KIF21A: variants seen among roughly 807,000 people sequenced by gnomAD.
KIF21A encodes the protein kinesin-like protein KIF21A.
A neutral mutation model predicts 202.9 loss-of-function variants in KIF21A; 114 were observed. The observed-to-expected ratio is 0.56, with a 90% CI of 0.48 to 0.66. The LOEUF is 0.66. Among genes scored for constraint, KIF21A ranks in the 30% least tolerant of loss-of-function variants. KIF21A has a pLI of 0.00. For synonymous variants in KIF21A, 667 were observed against 670.8 expected (o/e 0.99, Z 0.09); for missense variants, 1,677 against 1,994.9 (o/e 0.84, Z 3.04).
intron 1 of KIF21A, among the ~76,000 whole-genome samples, chr12:39,376,425 A>G (rs570955833): frequency 6.6e-6 from 1 of 152,226 alleles, no homozygotes; most frequent in East Asian, 1.9e-4. Flanking sequence ...TAGACATGTA[A>G]CCAGTAAGGA....
chr12:39,415,199 G>A (rs369642742), intron 1 of KIF21A, among the ~76,000 whole-genome samples: 85 of 147,944 alleles, frequency 5.7e-4, no homozygotes, highest in African/African-American at 2.1e-3. Context: ...AAATCAGGAC[G>A]GAAATTTTTT....
chr12:39,367,080 T>C lies in KIF21A; in HGVS notation c.685A>G (p.Ile229Val), dbSNP rs779602428. The part of the protein sequence containing the change: ...MNVQSSRSHA[I>V]FTIHVCQTRV... ...GTTTGACACACATGAATGGTAAAAA[T>C]GGCATGTGAACGAGAGCTCTGAACA... Residue 229 changes from isoleucine to valine, a missense_variant, in exon 5 of 38, where the codon ATT becomes GTT. Physicochemically the swap from Ile to Val is conservative, Grantham distance 29. Around this residue, in one of 3 missense-constraint regions of KIF21A, gnomAD observed 966 missense variants for 1,180.9 expected, o/e 0.82. Coordinates refer to ENST00000361418, the MANE Select transcript of KIF21A (RefSeq NM_001173464.2). The C allele has an allele frequency of 6.2e-6, 10 of 1,613,528 alleles. No individual in the cohort carries two copies. The highest frequency in any genetic ancestry group is 1.6e-4 in the Middle Eastern group (1 of 6,084).
At chr12:39,376,814 C>T (rs938358189) in intron 1 of KIF21A, among the ~76,000 whole-genome samples, 42 of 152,078 alleles carry the variant, frequency 2.8e-4, no homozygotes, top group African/African-American at 1.0e-3. Flanking sequence ...CCTCTGTTCC[C>T]CATTTTATTA....
At chr12:39,376,474 A>G (rs902868791) in intron 1 of KIF21A, among the ~76,000 whole-genome samples, 5 of 152,160 alleles carry the variant, frequency 3.3e-5, no homozygotes, top group Admixed American at 2.0e-4. Context: ...GGTCCTGAGT[A>G]AAAAGTCTGT....
In KIF21A at chr12:39,366,389, G is replaced by T; in HGVS notation, c.864C>A (p.Gly288=). 1 of 1,613,828 alleles carries T rather than the reference G, an allele frequency of 6.2e-7. No homozygotes were observed. Among genetic ancestry groups the T allele is most frequent in the Non-Finnish European group, 8.5e-7 (1 of 1,179,910 alleles). The change falls in exon 6 of 38, where the codon GGC becomes GGA. Residue 288 remains glycine (G), a synonymous_variant. Transcript: ENST00000361418. ...SERLKRTGAT[G]ERAKEGISIN... is the part of the protein sequence containing the mutation. ...TAGAAATGCCTTCTTTTGCCCTCTC[G>T]CCTGTAGCTCCAGTACGCTTCAGTC...
At chr12:39,310,511 C>G (rs138925230) in intron 32 of KIF21A, among the ~76,000 whole-genome samples, 1 of 152,124 alleles carries the variant, frequency 6.6e-6, no homozygotes, top group South Asian at 2.1e-4. Context: ...CCTGTACATG[C>G]TTGCTTTTCA....
At chr12:39,417,128 GAGAA>G (rs1394935992) in intron 1 of KIF21A, among the ~76,000 whole-genome samples, 1 of 151,742 alleles carries the variant, frequency 6.6e-6, no homozygotes. Context: ...AGACATTAAT[GAGAA>G]AGAAACAGGA....
chr12:39,378,351 T>C (rs1006687002), intron 1 of KIF21A, among the ~76,000 whole-genome samples: 4 of 152,144 alleles, frequency 2.6e-5, no homozygotes, highest in Non-Finnish European at 5.9e-5. Flanking sequence ...AAGAACTACA[T>C]TGAAATAATG....
intron 11 of KIF21A, 56 bp from the exon 12 acceptor site, chr12:39,346,560 A>G: frequency 7.8e-7 from 1 of 1,280,884 alleles, no homozygotes; most frequent in East Asian, 2.9e-5. Flanking sequence ...GACAAACCAG[A>G]CAGTAAAAAG....
chr12:39,304,823 T>C lies in KIF21A; in HGVS notation c.4558A>G (p.Lys1520Glu). ...IITGSKDHYI[K>E]MFDVTEGALG... ...TTCAGAAAGTCTCTTATACATACTT[T>C]GATGTAATGATCCTTGGAGCCAGTG... The change falls in exon 35 of 38, where the codon AAA becomes GAA. Residue 1520 changes from lysine (K) to glutamate (E), a missense_variant and splice_region_variant. Physicochemically the swap from Lys to Glu is moderately conservative, Grantham distance 56 (BLOSUM62 1). This residue lies in a region of KIF21A where 705 missense variants were observed against 791.9 expected (regional missense o/e 0.89). Coordinates refer to ENST00000361418, the MANE Select transcript of KIF21A (RefSeq NM_001173464.2). 1 of 1,452,850 alleles carries C rather than the reference T, an allele frequency of 6.9e-7. No individual in the cohort carries two copies. The highest frequency in any genetic ancestry group is 1.1e-5 in the South Asian group (1 of 87,764). 90.0% of individuals were successfully genotyped at this position (1,452,850 alleles called of 1,614,324 possible).
In KIF21A at chr12:39,417,268, A is replaced by G. The variant is rs551650483; in HGVS notation, c.44+25659T>C. On this transcript the variant is annotated intron_variant, in intron 1 of 37. Transcript: ENST00000361418. ...AAATTGGGGGTGGGGAAGAACCTTGAAAAATATTAAGTATGAATACAACAT... is the reference window on the plus strand; with the variant it reads ...AAATTGGGGGTGGGGAAGAACCTTGGAAAATATTAAGTATGAATACAACAT... Among the ~76,000 whole-genome samples the G allele has an allele frequency of 7.0e-4, 107 of 152,308 alleles. 1 individual carries two copies. In the South Asian group the frequency reaches 0.01, roughly 15 times the overall value.
At position 39,360,577 on chromosome 12, in the gene KIF21A, G is replaced by C. The variant is rs112667473; in HGVS notation, c.1020-2204C>G. Reference sequence around the variant, plus strand: ...GCTAATTTTTGTGTTTCTATTAGTAGAAACGGGGTTTTGCCATGTTGGCCA... The same window carrying C: ...GCTAATTTTTGTGTTTCTATTAGTACAAACGGGGTTTTGCCATGTTGGCCA... On this transcript the variant is annotated intron_variant, in intron 7 of 37. Transcript: ENST00000361418. Among the ~76,000 whole-genome samples, 1,017 of 152,168 alleles carry C rather than the reference G, an allele frequency of 6.7e-3. 15 individuals carry two copies. Among genetic ancestry groups the C allele is most frequent in the African/African-American group, 0.023 (971 of 41,504 alleles).
chr12:39,330,436 T>C (rs944096030), intron 23 of KIF21A, among the ~76,000 whole-genome samples, 174 bp from the exon 24 acceptor site: 2 of 152,212 alleles, frequency 1.3e-5, no homozygotes, highest in African/African-American at 4.8e-5. Context: ...AGTAAAGTAA[T>C]GAAACTTGGT....
intron 7 of KIF21A, among the ~76,000 whole-genome samples, chr12:39,359,467 A>G (rs1475824721): frequency 1.3e-5 from 2 of 152,180 alleles, no homozygotes; most frequent in Admixed American, 1.3e-4. Context: ...ATTTATCAGC[A>G]TACTTCTAAA....
intron 10 of KIF21A, among the ~76,000 whole-genome samples, chr12:39,355,850 GA>G (rs1241530057): frequency 6.6e-6 from 1 of 151,238 alleles, no homozygotes; most frequent in Middle Eastern, 3.2e-3. Flanking sequence ...TTTGCTTTTT[GA>G]AACATTTAAG....
intron 1 of KIF21A, among the ~76,000 whole-genome samples, chr12:39,378,310 T>A (rs1474253028): frequency 6.6e-6 from 1 of 152,198 alleles, no homozygotes; most frequent in Non-Finnish European, 1.5e-5. Flanking sequence ...GGGGGTAACA[T>A]TGTGCCACTC....
Position 39,311,563 on chromosome 12 carries a change from G to A in KIF21A, c.3960-10C>T, listed in dbSNP as rs1944035840. Reference sequence around the variant, plus strand: ...TGGGTTGATTATGCCCCTAAGGTGGGGAAAAAACAAACAAACCAAGACTCA... The same window carrying A: ...TGGGTTGATTATGCCCCTAAGGTGGAGAAAAAACAAACAAACCAAGACTCA... On this transcript the variant is annotated splice_polypyrimidine_tract_variant and intron_variant, in intron 31 of 37. Transcript: ENST00000361418. 1 of 1,611,988 alleles carries A rather than the reference G, an allele frequency of 6.2e-7. No homozygotes were observed. Among genetic ancestry groups the A allele is most frequent in the Non-Finnish European group, 8.5e-7 (1 of 1,178,718 alleles).
At chr12:39,297,024 GA>G (rs1452947413) in intron 37 of KIF21A, among the ~76,000 whole-genome samples, 62 of 152,210 alleles carry the variant, frequency 4.1e-4, no homozygotes, top group Non-Finnish European at 4.4e-5. Flanking sequence ...AGAAGTAGAG[GA>G]TGTGGTAAGA....
chr12:39,376,822 T>C (rs1057276148), intron 1 of KIF21A, among the ~76,000 whole-genome samples: 3 of 152,142 alleles, frequency 2.0e-5, no homozygotes, highest in Admixed American at 6.5e-5. Flanking sequence ...CCCCATTTTA[T>C]TAAAAACATC....
Sources: gnomAD v4.1 joint callset for allele counts (sites outside exome capture counted in the v4.1 genomes callset) on GRCh38, gnomAD v4.1.1 for gene constraint, gnomAD v4.1.1 regional missense constraint, MANE v1.5 for transcripts, NCBI Gene and HGNC (gene_info 2026-07-23, HGNC 2026-07-21) for gene names.